Variants in LONP2 observed in about 807,000 individuals in gnomAD.
LONP2 encodes lon protease homolog 2, peroxisomal.
Under a neutral mutation model 85.6 loss-of-function variants are expected in LONP2, and 60 were observed. That is an observed-to-expected ratio of 0.70 (90% confidence interval 0.57 to 0.87). The LOEUF is 0.87. Among genes scored for constraint, LONP2 ranks in the 40% least tolerant of loss-of-function variants. LONP2 has a pLI of 0.00. For missense variants in LONP2, 860 were observed against 1,063.5 expected (o/e 0.81, Z 2.66); for synonymous variants, 395 against 389.7 (o/e 1.01, Z -0.16).
rs557355591 is a variant in LONP2 at position 48,362,414 on chromosome 16, A to G, written c.*551A>G. The G allele has an allele frequency of 6.2e-6, 10 of 1,614,142 alleles. No individual in the cohort carries two copies. The South Asian group carries it at 1.1e-4, about 18-fold the overall frequency. On this transcript the variant is annotated 3_prime_UTR_variant, in exon 5 of 5. Transcript: ENST00000565867. This position sits in a 1 kb window ranked among gnomAD's most constrained non-coding sequence, Gnocchi z 4.2. ...AGGTACCGGTAGGTAATGCTGTAGC[A>G]GTCTGACGGCTCATTTCTGAAATAA...
At chr16:48,255,708 C>T (rs1246151470) in intron 2 of LONP2, among the ~76,000 whole-genome samples, 1 of 152,080 alleles carries the variant, frequency 6.6e-6, no homozygotes, top group Non-Finnish European at 1.5e-5. Flanking sequence ...TTCCCCCATA[C>T]TGTTCTCTTG....
chr16:48,280,427 A>G (rs567245053), intron 8 of LONP2, among the ~76,000 whole-genome samples: 15 of 152,236 alleles, frequency 9.9e-5, no homozygotes, highest in Admixed American at 7.9e-4. Context: ...TTGATAAACA[A>G]TATGTTTTAG....
chr16:48,305,340 C>T (rs147350754), intron 11 of LONP2, among the ~76,000 whole-genome samples: 34 of 152,258 alleles, frequency 2.2e-4, no homozygotes, highest in African/African-American at 6.5e-4. Context: ...CTGCAACCTC[C>T]GTCTCCGAGG....
chr16:48,353,906 A>G lies in LONP2; in HGVS notation c.*2104A>G, dbSNP rs1196726806. On this transcript the variant is annotated 3_prime_UTR_variant, in exon 15 of 15. Coordinates refer to ENST00000285737, the MANE Select transcript of LONP2 (RefSeq NM_031490.5). The stretch of plus-strand genomic sequence containing the variant: ...ACTTGCTTTAAGCATATCTTTCGAA[A>G]GGCATCCATTGAGAGAATAATGCAT... 6.6e-6 allele frequency: 1 copy of G among 151,984 alleles called. No homozygotes were observed. The highest frequency in any genetic ancestry group is 1.5e-5 in the Non-Finnish European group (1 of 68,040). 9.4% of individuals were successfully genotyped at this position (151,984 alleles called of 1,614,324 possible). A position where few individuals can be genotyped will look rare whatever the true frequency, so the allele number is the denominator to read the frequency against.
chr16:48,338,676 G>A (rs1959725644), intron 12 of LONP2, among the ~76,000 whole-genome samples: 1 of 152,194 alleles, frequency 6.6e-6, no homozygotes, highest in Non-Finnish European at 1.5e-5. Flanking sequence ...GGGAGGCTGA[G>A]GCAGGTGGAT....
downstream of LONP2, among the ~76,000 whole-genome samples, chr16:48,357,708 T>C (rs911923483): frequency 2.0e-5 from 3 of 152,238 alleles, no homozygotes; most frequent in Non-Finnish European, 4.4e-5. Context: ...GTAGAATCAC[T>C]GCAGATGTTT....
At chr16:48,302,960 T>C (rs950714795) in intron 10 of LONP2, among the ~76,000 whole-genome samples, 1 of 152,188 alleles carries the variant, frequency 6.6e-6, no homozygotes, top group African/African-American at 2.4e-5. Flanking sequence ...TTCAAGATAA[T>C]CTGTATAAAG....
intron 14 of LONP2, among the ~76,000 whole-genome samples, chr16:48,349,852 A>G (rs1473843739): frequency 6.6e-6 from 1 of 152,242 alleles, no homozygotes; most frequent in Non-Finnish European, 1.5e-5. Context: ...TGAGATCGAA[A>G]GGACCATTAC....
At chr16:48,358,445 A>G (rs1330190691), downstream of LONP2, among the ~76,000 whole-genome samples, 1 of 152,244 alleles carries the variant, frequency 6.6e-6, no homozygotes, top group African/African-American at 2.4e-5. Flanking sequence ...CAAGATTATT[A>G]AAGTGGTGAA....
chr16:48,252,699 A>C (rs1174230302), intron 2 of LONP2, among the ~76,000 whole-genome samples: 1 of 152,224 alleles, frequency 6.6e-6, no homozygotes, highest in Non-Finnish European at 1.5e-5. Context: ...TAAAATATCT[A>C]GGCACCATTT....
chr16:48,353,563 A>C lies in LONP2; in HGVS notation c.*1761A>C, dbSNP rs1960226255. ...ATAAAATAGCAGGCCTGCTGATAAA[A>C]GTTTATCTGAATGCATTGAGAGGAA... On this transcript the variant is annotated 3_prime_UTR_variant, in exon 15 of 15. Coordinates refer to ENST00000285737, the MANE Select transcript of LONP2 (RefSeq NM_031490.5). The C allele has an allele frequency of 6.6e-6, 1 of 152,186 alleles. No homozygotes were observed. The highest frequency in any genetic ancestry group is 6.6e-5 in the Admixed American group (1 of 15,246). 9.4% of individuals were successfully genotyped at this position (152,186 alleles called of 1,614,324 possible). A position where few individuals can be genotyped will look rare whatever the true frequency, so the allele number is the denominator to read the frequency against.
At chr16:48,361,829 A>G (rs368030011), downstream of LONP2, 8 of 1,614,036 alleles carry the variant, frequency 5.0e-6, no homozygotes, top group East Asian at 4.5e-5. Flanking sequence ...GCTGGTGACC[A>G]TCGTATTTTT....
intron 11 of LONP2, among the ~76,000 whole-genome samples, chr16:48,327,890 C>CT (rs1959295187): frequency 6.6e-6 from 1 of 152,074 alleles, no homozygotes; most frequent in Non-Finnish European, 1.5e-5. Flanking sequence ...GTATCTTTTT[C>CT]TTTTTTTCTT....
intron 11 of LONP2, among the ~76,000 whole-genome samples, chr16:48,323,402 C>G (rs2098211409): frequency 6.6e-6 from 1 of 152,044 alleles, no homozygotes; most frequent in African/African-American, 2.4e-5. Context: ...TGCCTGTAAT[C>G]CCAGCACTTT....
chr16:48,257,883 A>G (rs547336916), intron 3 of LONP2, among the ~76,000 whole-genome samples: 2 of 152,308 alleles, frequency 1.3e-5, no homozygotes, highest in African/African-American at 2.4e-5. Flanking sequence ...GCTCCGACAA[A>G]TCACTAGTGA....
chr16:48,302,088 C>T (rs1283069840), intron 10 of LONP2, among the ~76,000 whole-genome samples: 1 of 152,164 alleles, frequency 6.6e-6, no homozygotes, highest in African/African-American at 2.4e-5. Flanking sequence ...GACTGTATCT[C>T]TAGATTCTTA....
At chr16:48,338,720 C>A (rs145998227) in intron 12 of LONP2, among the ~76,000 whole-genome samples, 1 of 151,984 alleles carries the variant, frequency 6.6e-6, no homozygotes, top group Non-Finnish European at 1.5e-5. Context: ...CCAGCCTGGG[C>A]GACACGGCAA....
chr16:48,303,791 G>T (rs529421369), intron 11 of LONP2, among the ~76,000 whole-genome samples: 1 of 152,164 alleles, frequency 6.6e-6, no homozygotes, highest in Non-Finnish European at 1.5e-5. Context: ...ACGTTCAAGA[G>T]TCCAAAAGTT....
In LONP2 at chr16:48,355,556, A is replaced by G. The variant is rs560917432; in HGVS notation, c.*3754A>G. 1 of 152,198 alleles carries G rather than the reference A, an allele frequency of 6.6e-6. No homozygotes were observed. Among genetic ancestry groups the G allele is most frequent in the African/African-American group, 2.4e-5 (1 of 41,442 alleles). 9.4% of individuals were successfully genotyped at this position (152,198 alleles called of 1,614,324 possible). ...TAACACAAATGACTAAGACAACAGG[A>G]TAATTCTGTTTAACTTTTTGAGAAC... On this transcript the variant is annotated 3_prime_UTR_variant, in exon 15 of 15. Coordinates refer to ENST00000285737, the MANE Select transcript of LONP2 (RefSeq NM_031490.5).
Sources: gnomAD v4.1 joint callset for allele counts (sites outside exome capture counted in the v4.1 genomes callset) on GRCh38, gnomAD v4.1.1 for gene constraint, Gnocchi (gnomAD v3.1) non-coding constraint, MANE v1.5 for transcripts, NCBI Gene and HGNC (gene_info 2026-07-23, HGNC 2026-07-21) for gene names.